Variants in LIMS1 observed in about 807,000 individuals in gnomAD.
The protein encoded by LIMS1 is LIM zinc finger domain containing 1.
In LIMS1, 18 loss-of-function variants were observed where a neutral mutation model predicts 44.1. That is an observed-to-expected ratio of 0.41 (90% CI 0.28 to 0.61). LIMS1 has a LOEUF of 0.61. Ranked by LOEUF, LIMS1 falls within the 20% of genes least tolerant of loss-of-function variation. LIMS1 has a pLI of 0.32. For synonymous variants in LIMS1, 93 were observed against 149.1 expected, an observed-to-expected ratio of 0.62 and a Z score of 2.74; for missense variants, 201 against 422.0, an observed-to-expected ratio of 0.48 and a Z score of 4.59.
chr2:108,575,332 A>G (rs1255160304), intron 1 of LIMS1, among the ~76,000 whole-genome samples: 1 of 152,218 alleles, frequency 6.6e-6, no homozygotes, highest in Non-Finnish European at 1.5e-5. Flanking sequence ...AAAAAATGCA[A>G]AAGAGTTAGC....
rs144758226 is a variant in LIMS1, at chr2:108,582,805, G to A, written c.32+48211G>A. Among the ~76,000 whole-genome samples the A allele has an allele frequency of 4.2e-3, 641 of 152,154 alleles. 5 individuals are homozygous for A. Among genetic ancestry groups the A allele is most frequent in the African/African-American group, 0.015 (614 of 41,522 alleles). ...AAAATAAAAAAGATACCATCATGAA[G>A]TACTTTTCAACAGTTTCAATAAGCA... On this transcript the variant is annotated intron_variant, in intron 1 of 9. Transcript: ENST00000544547.
At chr2:108,618,550 G>A (rs1688054147) in intron 1 of LIMS1, among the ~76,000 whole-genome samples, 1 of 152,104 alleles carries the variant, frequency 6.6e-6, no homozygotes, top group Admixed American at 6.6e-5. Context: ...GGTTAGGCGG[G>A]GCACGGTGGC....
chr2:108,611,690 G>A (rs1383214320), intron 1 of LIMS1, among the ~76,000 whole-genome samples: 1 of 151,768 alleles, frequency 6.6e-6, no homozygotes, highest in Non-Finnish European at 1.5e-5. Flanking sequence ...GACCAGCCTG[G>A]GCAATGTGGC....
exon 10 of LIMS1, chr2:108,686,975 T>G (rs1054104019): frequency 2.6e-5 from 4 of 152,188 alleles, no homozygotes; most frequent in Non-Finnish European, 4.4e-5. Context: ...TGTAACATAA[T>G]CAGGAACAAT....
intron 1 of LIMS1, chr2:108,588,298 A>T: frequency 1.0e-6 from 1 of 984,282 alleles, no homozygotes; most frequent in South Asian, 4.7e-5. Context: ...ACTTGGTTTC[A>T]TTGGCTCAAA....
At chr2:108,643,191 G>A (rs945012620) in intron 1 of LIMS1, among the ~76,000 whole-genome samples, 7 of 152,118 alleles carry the variant, frequency 4.6e-5, no homozygotes, top group Non-Finnish European at 7.4e-5. Flanking sequence ...CTTAAGAAAC[G>A]CCCTGGATTT....
intron 1 of LIMS1, among the ~76,000 whole-genome samples, chr2:108,552,678 C>T (rs1390848506): frequency 1.3e-5 from 2 of 151,190 alleles, no homozygotes; most frequent in African/African-American, 2.4e-5. Context: ...CAGCCTTGAC[C>T]TCCCAGGCTG....
At chr2:108,549,279 CTTTTTTTTTTTTTTTTTTT>C (rs71381966) in intron 1 of LIMS1, among the ~76,000 whole-genome samples, 1 of 55,784 alleles carries the variant, frequency 1.8e-5, no homozygotes, top group African/African-American at 7.5e-5. Flanking sequence ...TAAAGTGTTT[CTTTTTTTTTTTTTTTTTTT>C]TTTTTTTTTT....
At chr2:108,591,609 A>G (rs1476850509) in intron 1 of LIMS1, among the ~76,000 whole-genome samples, 1 of 151,928 alleles carries the variant, frequency 6.6e-6, no homozygotes, top group Non-Finnish European at 1.5e-5. Context: ...ACAGGCACAC[A>G]CCACCATGCC....
At chr2:108,567,814 C>T (rs1685346863) in intron 1 of LIMS1, among the ~76,000 whole-genome samples, 2 of 152,190 alleles carry the variant, frequency 1.3e-5, no homozygotes, top group Non-Finnish European at 2.9e-5. Context: ...TCAAATGATC[C>T]TCCCACCTTG....
intron 1 of LIMS1, among the ~76,000 whole-genome samples, chr2:108,549,095 A>G (rs1684589078): frequency 6.6e-6 from 1 of 152,136 alleles, no homozygotes; most frequent in African/African-American, 2.4e-5. Context: ...TATAGTAGCC[A>G]TTCAGTGAAT....
chr2:108,615,950 C>T (rs1250564171), intron 1 of LIMS1, among the ~76,000 whole-genome samples: 1 of 152,168 alleles, frequency 6.6e-6, no homozygotes, highest in Non-Finnish European at 1.5e-5. Context: ...GTCTACTGGT[C>T]ACCTCTTGTA....
chr2:108,679,701 G>C (rs1692818878), intron 8 of LIMS1, among the ~76,000 whole-genome samples: 1 of 151,728 alleles, frequency 6.6e-6, no homozygotes, highest in African/African-American at 2.4e-5. Flanking sequence ...AGAATTTCTT[G>C]AGGCCAGGAG....
intron 2 of LIMS1, among the ~76,000 whole-genome samples, chr2:108,665,019 T>C (rs1691649963): frequency 6.6e-6 from 1 of 152,220 alleles, no homozygotes; most frequent in Admixed American, 6.5e-5. Flanking sequence ...CAAAAAGGAT[T>C]AGTTAGGGAG....
chr2:108,662,333 G>A, intron 2 of LIMS1: 3 of 1,610,936 alleles, frequency 1.9e-6, no homozygotes, highest in Non-Finnish European at 1.7e-6. Context: ...CTGGTGCTGA[G>A]TCAGAGGGAA....
In LIMS1 at chr2:108,663,783, T is replaced by G. The variant is rs190451607; in HGVS notation, c.192+4019T>G. 4.6e-5 allele frequency among the ~76,000 whole-genome samples: 7 copies of G among 152,168 alleles called. No individual in the cohort carries two copies. In the East Asian group the frequency reaches 1.4e-3, roughly 29 times the overall value. ...TTTTTATTTTTTTTGAGACAGAGTT[T>G]CACTCTTGTTGCCCAGGATGGAGTG... On this transcript the variant is annotated intron_variant, in intron 2 of 9. Transcript: ENST00000544547.
chr2:108,556,355 G>A (rs1405806640), intron 1 of LIMS1, among the ~76,000 whole-genome samples: 2 of 152,092 alleles, frequency 1.3e-5, no homozygotes, highest in East Asian at 1.9e-4. Context: ...TGATGGACAC[G>A]GGTGATTTTC....
chr2:108,675,362 C>T (rs1280184257), intron 5 of LIMS1, among the ~76,000 whole-genome samples: 3 of 152,088 alleles, frequency 2.0e-5, no homozygotes, highest in Non-Finnish European at 2.9e-5. Flanking sequence ...AGGCTGAACT[C>T]GTCCTTTTAT....
At chr2:108,569,446 C>T (rs1685408599) in intron 1 of LIMS1, among the ~76,000 whole-genome samples, 1 of 152,074 alleles carries the variant, frequency 6.6e-6, no homozygotes, top group Admixed American at 6.6e-5. Flanking sequence ...GTATTTTCTT[C>T]TAGGAGTTTT....
Sources: gnomAD v4.1 joint callset for allele counts (sites outside exome capture counted in the v4.1 genomes callset) on GRCh38, gnomAD v4.1.1 for gene constraint, MANE v1.5 for transcripts, NCBI Gene and HGNC (gene_info 2026-07-23, HGNC 2026-07-21) for gene names.